ACTR1A: variants seen among roughly 807,000 people sequenced by gnomAD.
ACTR1A encodes the protein actin related protein 1A, also known as alpha-centractin.
ACTR1A carries 10 observed loss-of-function variants against 50.7 expected under a neutral mutation model. The observed-to-expected ratio is 0.20, with a 90% CI of 0.12 to 0.33. The LOEUF (loss-of-function observed/expected upper bound fraction) is 0.33, where lower values mean the gene tolerates loss of function less well. Ranked by LOEUF, ACTR1A falls within the 10% of genes least tolerant of loss-of-function variation. The pLI is 1.00. For synonymous variants in ACTR1A, 177 were observed against 184.2 expected, an observed-to-expected ratio of 0.96 and a Z score of 0.32; for missense variants, 253 against 491.7, an observed-to-expected ratio of 0.51 and a Z score of 4.59.
chr10:102,490,572 G>A lies in ACTR1A; in HGVS notation c.90C>T (p.Ile30=), dbSNP rs2135584741. 3 of 1,613,304 alleles carry A rather than the reference G, an allele frequency of 1.9e-6. No individual in the cohort carries two copies. Among genetic ancestry groups the A allele is most frequent in the South Asian group, 2.2e-5 (2 of 91,068 alleles). Residue 30 remains isoleucine (I), a synonymous_variant, in exon 2 of 11, where the codon ATC becomes ATT. Coordinates refer to ENST00000369905, the MANE Select transcript of ACTR1A (RefSeq NM_005736.4). ...VIKAGFAGDQ[I]PKYCFPNYVG... ...ACTAGTTTGGAAAGCAGTATTTGGG[G>A]ATCTGATCACCAGCAAAACCAGCTT...
chr10:102,495,348 T>A (rs937117091), intron 1 of ACTR1A, among the ~76,000 whole-genome samples: 1 of 151,948 alleles, frequency 6.6e-6, no homozygotes, highest in African/African-American at 2.4e-5. Context: ...GGCGGGCAGA[T>A]CACGAGGTCA....
chr10:102,498,437 A>G (rs534655730), intron 1 of ACTR1A, among the ~76,000 whole-genome samples: 1 of 152,230 alleles, frequency 6.6e-6, no homozygotes, highest in Admixed American at 6.5e-5. Flanking sequence ...ATATAGTCAC[A>G]AAGACAGTTT....
Position 102,482,663 on chromosome 10 carries a change from CAG to C in ACTR1A, c.750+346_750+347del, listed in dbSNP as rs778155216. ...CTCATGCTCAGGAGCTCTGCTGCTC[CAG>C]AGAGAGGGTGTAAGGCTGGGGTGTC... On this transcript the variant is annotated intron_variant, in intron 7 of 10. Transcript: ENST00000369905. This position sits in a 1 kb window ranked among gnomAD's most constrained non-coding sequence, Gnocchi z 5.6. 1.3e-5 allele frequency: 4 copies of C among 304,346 alleles called. No individual in the cohort carries two copies. Among genetic ancestry groups the C allele is most frequent in the Non-Finnish European group, 2.5e-5 (4 of 161,614 alleles). The allele number at this position is 304,346 out of a possible 1,614,324, so 18.9% of individuals were successfully genotyped here.
intron 1 of ACTR1A, among the ~76,000 whole-genome samples, chr10:102,493,551 G>A (rs1002642063): frequency 2.6e-5 from 4 of 152,102 alleles, no homozygotes; most frequent in African/African-American, 7.2e-5. Context: ...AGTATAAAAA[G>A]CCCAGTTCAA....
rs1394362806 is a variant in ACTR1A at position 102,482,087 on chromosome 10, A to G, written c.839T>C (p.Val280Ala). The G allele has an allele frequency of 2.5e-6, 4 of 1,614,056 alleles. No individual in the cohort carries two copies. Among genetic ancestry groups the G allele is most frequent in the Non-Finnish European group, 3.4e-6 (4 of 1,180,052 alleles). Residue 280 changes from valine (V) to alanine (A), a missense_variant, in exon 8 of 11, where the codon GTG becomes GCG. Coordinates refer to ENST00000369905, the MANE Select transcript of ACTR1A (RefSeq NM_005736.4). The surrounding 1 kb of genome is among the most constrained non-coding windows in gnomAD (Gnocchi z 5.6). ...EESEGIHEVL[V>A]FAIQKSDMDL... is the part of the protein sequence containing the mutation. ...CATGTCTGACTTCTGAATGGCGAAC[A>G]CCAGGACCTCGTGGATGCCTTCACT... is the stretch of plus-strand genomic sequence containing the variant.
Position 102,486,253 on chromosome 10 carries a change from A to G in ACTR1A, c.316-520T>C, listed in dbSNP as rs1428214871. On this transcript the variant is annotated intron_variant, in intron 4 of 10. Transcript: ENST00000369905. ...TCTAGGTTGGGCACTCCTTATGAGA[A>G]TTGAATGCCTGATGATCAGAGGTGG... Among the ~76,000 whole-genome samples, 4 of 152,198 alleles carry G rather than the reference A, an allele frequency of 2.6e-5. No individual in the cohort carries two copies. The East Asian group carries it at 7.7e-4, about 29-fold the overall frequency.
At chr10:102,483,937 A>G in intron 6 of ACTR1A, 1 of 573,642 alleles carries the variant, frequency 1.7e-6, no homozygotes, top group Non-Finnish European at 3.1e-6. Flanking sequence ...CCATCACCCA[A>G]CTGAAGAAAT....
chr10:102,485,493 C>A, intron 5 of ACTR1A, 116 bp downstream of exon 5: 6 of 1,408,482 alleles, frequency 4.3e-6, no homozygotes, highest in Non-Finnish European at 3.9e-6. Context: ...CATCTTTAAC[C>A]TTTCCCTAGC....
intron 1 of ACTR1A, among the ~76,000 whole-genome samples, chr10:102,495,985 G>A (rs2062220402): frequency 6.6e-6 from 1 of 151,306 alleles, no homozygotes; most frequent in African/African-American, 2.4e-5. Context: ...TCGCTCTGTT[G>A]CCCAGGCTGG....
rs72847722 is a variant in ACTR1A at position 102,479,949 on chromosome 10, T to A, written c.*914A>T. The A allele has an allele frequency of 1.2e-3, 308 of 263,896 alleles. 1 individual carries two copies. Among genetic ancestry groups the A allele is most frequent in the Non-Finnish European group, 2.1e-3 (277 of 129,126 alleles). The allele number at this position is 263,896 out of a possible 1,614,324, so 16.3% of individuals were successfully genotyped here. The stretch of plus-strand genomic sequence containing the variant: ...CAATCTCAAATGGTCCTGGAACCTG[T>A]GGACACTGTCAGCTCACCATCAGCT... On this transcript the variant is annotated 3_prime_UTR_variant, in exon 11 of 11. Coordinates refer to ENST00000369905, the MANE Select transcript of ACTR1A (RefSeq NM_005736.4). This position sits in a 1 kb window ranked among gnomAD's most constrained non-coding sequence, Gnocchi z 4.0.
Position 102,485,687 on chromosome 10 carries a change from C to G in ACTR1A, c.362G>C (p.Arg121Pro). Reference protein sequence around the residue: ...TEAPLNPRKNRERAAEVFFET... With the variant: ...TEAPLNPRKNPERAAEVFFET... Reference sequence around the variant, plus strand: ...GAAGAAAACTTCGGCAGCTCGTTCCCGGTTTTTTCGTGGGTTTAAAGGCGC... The same window carrying G: ...GAAGAAAACTTCGGCAGCTCGTTCCGGGTTTTTTCGTGGGTTTAAAGGCGC... Residue 121 changes from arginine (R) to proline (P), a missense_variant, in exon 5 of 11, where the codon CGG becomes CCG. Coordinates refer to ENST00000369905, the MANE Select transcript of ACTR1A (RefSeq NM_005736.4). 6 of 1,614,076 alleles carry G rather than the reference C, an allele frequency of 3.7e-6. No homozygotes were observed. The highest frequency in any genetic ancestry group is 4.2e-6 in the Non-Finnish European group (5 of 1,180,008).
rs1303994113 is a variant in ACTR1A at position 102,480,894 on chromosome 10, C to T, written c.1100G>A (p.Gly367Asp). The T allele has an allele frequency of 1.9e-6, 3 of 1,613,920 alleles. No homozygotes were observed. The highest frequency in any genetic ancestry group is 4.5e-5 in the East Asian group (2 of 44,888). ...WVSKKEYEED[G>D]ARSIHRKTF ...GGTTTTTCTGTGGATGGATCGGGCA[C>T]CGTCTTCCTCATATTCCTTTTTGGA... Residue 367 changes from glycine (G) to aspartate (D), a missense_variant, in exon 11 of 11, where the codon GGT (glycine) becomes GAT (aspartate). Gly to Asp is a moderately conservative substitution (Grantham distance 94, BLOSUM62 -1). Around this residue, in one of 4 missense-constraint regions of ACTR1A, gnomAD observed 14 missense variants for 16.3 expected, o/e 0.86. Coordinates refer to ENST00000369905, the MANE Select transcript of ACTR1A (RefSeq NM_005736.4).
At chr10:102,484,438 T>C in intron 5 of ACTR1A, 62 bp from the exon 6 acceptor site, 1 of 1,406,520 alleles carries the variant, frequency 7.1e-7, no homozygotes, top group Non-Finnish European at 1.0e-6. Flanking sequence ...GAAATACACT[T>C]CTTTATTTAG....
Position 102,482,283 on chromosome 10 carries a change from T to C in ACTR1A, c.751-108A>G. The C allele has an allele frequency of 9.2e-7, 1 of 1,086,092 alleles. No individual in the cohort carries two copies. Among genetic ancestry groups the C allele is most frequent in the Non-Finnish European group, 1.4e-6 (1 of 739,068 alleles). 67.3% of individuals were successfully genotyped at this position (1,086,092 alleles called of 1,614,324 possible). ...ACGTCACTTAGTAACTGGGTGGCTA[T>C]GAAGGCCAGGCTCAAGACAGACTCT... On this transcript the variant is annotated intron_variant, in intron 7 of 10. Coordinates refer to ENST00000369905, the MANE Select transcript of ACTR1A (RefSeq NM_005736.4). The surrounding 1 kb of genome is among the most constrained non-coding windows in gnomAD (Gnocchi z 5.6).
chr10:102,481,079 TTA>T, intron 10 of ACTR1A, 51 bp downstream of exon 10: 1 of 1,595,976 alleles, frequency 6.3e-7, no homozygotes, highest in Non-Finnish European at 8.6e-7. Context: ...TGCTGAGGGG[TTA>T]TCAGTGCCAT....
intron 4 of ACTR1A, among the ~76,000 whole-genome samples, chr10:102,487,588 C>T (rs189483883): frequency 5.3e-5 from 8 of 151,994 alleles, no homozygotes; most frequent in Non-Finnish European, 2.9e-5. Context: ...TCCATCTCTA[C>T]CCTTTGTTCA....
intron 1 of ACTR1A, among the ~76,000 whole-genome samples, chr10:102,500,339 G>A (rs1050936842): frequency 1.3e-5 from 2 of 152,304 alleles, no homozygotes; most frequent in South Asian, 4.1e-4. Flanking sequence ...GGAGGCCGAG[G>A]TGGGCGGATC....
chr10:102,481,943 C>T, intron 8 of ACTR1A, 45 bp from the exon 9 acceptor site: 1 of 1,613,700 alleles, frequency 6.2e-7, no homozygotes, highest in Non-Finnish European at 8.5e-7. Context: ...CTCAGGGTGC[C>T]TGGAGCCAGC....
chr10:102,481,105 G>A (rs374303561), intron 10 of ACTR1A, 27 bp downstream of exon 10: 5 of 1,606,042 alleles, frequency 3.1e-6, no homozygotes, highest in Non-Finnish European at 3.4e-6. Context: ...TTCCTGTTCT[G>A]TTCTTACTCC....
Sources: gnomAD v4.1 joint callset for allele counts (sites outside exome capture counted in the v4.1 genomes callset) on GRCh38, gnomAD v4.1.1 for gene constraint, gnomAD v4.1.1 regional missense constraint, Gnocchi (gnomAD v3.1) non-coding constraint, MANE v1.5 for transcripts, NCBI Gene and HGNC (gene_info 2026-07-23, HGNC 2026-07-21) for gene names.